Variants in HIF1A observed in about 807,000 individuals in gnomAD.
HIF1A encodes hypoxia inducible factor 1 subunit alpha.
HIF1A carries 24 observed loss-of-function variants against 92.7 expected under a neutral mutation model. The ratio of observed to expected loss-of-function variants is 0.26; its 90% CI spans 0.19 to 0.36. The LOEUF (loss-of-function observed/expected upper bound fraction) is 0.36, where lower values mean the gene tolerates loss of function less well. HIF1A is among the 10% of genes least tolerant of loss of function. The pLI is 1.00. For missense variants in HIF1A, 799 were observed against 998.5 expected (o/e 0.80, Z 2.69); for synonymous variants, 319 against 338.7 (o/e 0.94, Z 0.64).
At chr14:61,736,017 T>C (rs991509476) in intron 8 of HIF1A, among the ~76,000 whole-genome samples, 1 of 151,064 alleles carries the variant, frequency 6.6e-6, no homozygotes, top group African/African-American at 2.4e-5. Context: ...AGATGGAGTC[T>C]CACTGTCACC....
chr14:61,722,399 T>C (rs963897953), intron 4 of HIF1A, among the ~76,000 whole-genome samples: 10 of 152,074 alleles, frequency 6.6e-5, no homozygotes, highest in East Asian at 3.9e-4. Context: ...ACCTTTTTTT[T>C]CCTTTTCTTT....
chr14:61,703,900 C>T (rs2044206213), intron 1 of HIF1A, among the ~76,000 whole-genome samples: 2 of 152,140 alleles, frequency 1.3e-5, no homozygotes, highest in South Asian at 4.1e-4. Context: ...ATTCTGCAAG[C>T]TGTTCTTGTC....
At chr14:61,722,600 A>T (rs1344719978) in intron 4 of HIF1A, among the ~76,000 whole-genome samples, 1 of 152,216 alleles carries the variant, frequency 6.6e-6, no homozygotes, top group Non-Finnish European at 1.5e-5. Flanking sequence ...AGATAATAGG[A>T]CTTTAGACAG....
At chr14:61,722,766 C>A (rs988669322) in intron 4 of HIF1A, among the ~76,000 whole-genome samples, 7 of 152,242 alleles carry the variant, frequency 4.6e-5, no homozygotes, top group Middle Eastern at 3.4e-3. Context: ...TGGATGCCCA[C>A]ATATTAACAA....
intron 1 of HIF1A, among the ~76,000 whole-genome samples, chr14:61,702,285 A>C (rs2140118262): frequency 6.7e-6 from 1 of 149,524 alleles, no homozygotes; most frequent in Non-Finnish European, 1.5e-5. Context: ...AAAAAAAAAA[A>C]AAAAAAATAG....
chr14:61,722,562 G>A (rs897636694), intron 4 of HIF1A, among the ~76,000 whole-genome samples: 5 of 152,118 alleles, frequency 3.3e-5, no homozygotes, highest in Non-Finnish European at 7.3e-5. Flanking sequence ...ACACCATTAA[G>A]GCAAGGAGAA....
chr14:61,737,316 T>C (rs1314564465), intron 9 of HIF1A, among the ~76,000 whole-genome samples: 3 of 152,248 alleles, frequency 2.0e-5, no homozygotes, highest in Non-Finnish European at 1.5e-5. Context: ...TTGGAAATTG[T>C]GCTTCAAAGT....
rs574170527 is a variant in HIF1A at position 61,720,628 on chromosome 14, T to C, written c.226+56T>C. ...CTGAAAATTAGAAGTTAGAAGTAAA[T>C]AGAAATTATTTTTAGAAGGTGGTCG... On this transcript the variant is annotated intron_variant, in intron 2 of 14. Coordinates refer to ENST00000337138, the MANE Select transcript of HIF1A (RefSeq NM_001530.4). The C allele has an allele frequency of 3.1e-5, 35 of 1,120,322 alleles. No homozygotes were observed. In the Admixed American group the frequency reaches 3.2e-4, roughly 10 times the overall value. The allele number at this position is 1,120,322 out of a possible 1,614,324, so 69.4% of individuals were successfully genotyped here. A position where few individuals can be genotyped will look rare whatever the true frequency, so the allele number is the denominator to read the frequency against.
At position 61,734,214 on chromosome 14, in the gene HIF1A, T is replaced by G; in HGVS notation, c.957T>G (p.Thr319=). ...AKRGGYVWVE[T]QATVIYNTKN... ...GAGGTGGATATGTCTGGGTTGAAAC[T>G]CAAGCAACTGTCATATATAACACCA... The change falls in exon 8 of 15, where the codon ACT becomes ACG. Residue 319 remains threonine (T), a synonymous_variant. Transcript: ENST00000337138. 6.2e-7 allele frequency: 1 copy of G among 1,612,924 alleles called. No homozygotes were observed.
chr14:61,695,623 G>A lies in HIF1A; in HGVS notation c.-182G>A. 1.5e-6 allele frequency: 1 copy of A among 646,634 alleles called. No individual in the cohort carries two copies. 40.1% of individuals were successfully genotyped at this position (646,634 alleles called of 1,614,324 possible). Reference sequence around the variant, plus strand: ...GCCACCTGAGGAGAGGCTCGGAGCCGGGCCCGGACCCCGGCGATTGCCGCC... The same window carrying A: ...GCCACCTGAGGAGAGGCTCGGAGCCAGGCCCGGACCCCGGCGATTGCCGCC... On this transcript the variant is annotated 5_prime_UTR_variant, in exon 1 of 15. Transcript: ENST00000337138.
chr14:61,728,494 AAAC>A lies in HIF1A; in HGVS notation c.773+844_773+846del, dbSNP rs781267785. Reference sequence around the variant, plus strand: ...TAACAACTGTACTACTACTGCCCCCAAACAACATCATCATCAAAAACTGCCTTT... The same window carrying A: ...TAACAACTGTACTACTACTGCCCCCAAACATCATCATCAAAAACTGCCTTT... On this transcript the variant is annotated intron_variant, in intron 6 of 14. Coordinates refer to ENST00000337138, the MANE Select transcript of HIF1A (RefSeq NM_001530.4). Among the ~76,000 whole-genome samples, 19 of 152,212 alleles carry A rather than the reference AAAC, an allele frequency of 1.2e-4. 2 individuals carry two copies. Among genetic ancestry groups the A allele is most frequent in the Admixed American group, 9.8e-4 (15 of 15,272 alleles).
intron 1 of HIF1A, among the ~76,000 whole-genome samples, chr14:61,712,644 GTTTA>G (rs527602883): frequency 1.3e-5 from 2 of 149,820 alleles, no homozygotes; most frequent in South Asian, 2.1e-4. Context: ...CAAATATTAT[GTTTA>G]TTTAATAGTA....
At chr14:61,732,358 A>C (rs2044586220) in intron 6 of HIF1A, 60 bp from the exon 7 acceptor site, 1 of 1,114,310 alleles carries the variant, frequency 9.0e-7, no homozygotes, top group Non-Finnish European at 1.3e-6. Flanking sequence ...GGGAGGAGAA[A>C]AATTTTTCTT....
At chr14:61,745,489 C>G (rs1247969395) in intron 13 of HIF1A, 2 of 581,090 alleles carry the variant, frequency 3.4e-6, no homozygotes, top group Non-Finnish European at 6.1e-6. Flanking sequence ...CTGATATTTT[C>G]AAACTAAATT....
At chr14:61,708,185 T>C (rs2044264170) in intron 1 of HIF1A, among the ~76,000 whole-genome samples, 1 of 152,242 alleles carries the variant, frequency 6.6e-6, no homozygotes, top group African/African-American at 2.4e-5. Flanking sequence ...TTGAGTTCAT[T>C]GTAGATTCTG....
chr14:61,738,210 CGCCAAA>C lies in HIF1A; in HGVS notation c.1378_1383del (p.Lys460_Pro461del). On this transcript the variant is annotated inframe_deletion, in exon 10 of 15. Transcript: ENST00000337138. ...ATGTCTCCATTACCCACCGCTGAAA[CGCCAAA>C]GCCACTTCGAAGTAGTGCTGACCCT... 1 of 1,614,058 alleles carries C rather than the reference CGCCAAA, an allele frequency of 6.2e-7. No individual in the cohort carries two copies. The highest frequency in any genetic ancestry group is 8.5e-7 in the Non-Finnish European group (1 of 1,179,998).
intron 1 of HIF1A, among the ~76,000 whole-genome samples, chr14:61,711,155 G>T (rs2044302626): frequency 6.8e-6 from 1 of 146,522 alleles, no homozygotes; most frequent in African/African-American, 2.6e-5. Context: ...GTAAACTCCT[G>T]TTTCTGCCTG....
chr14:61,741,829 T>C (rs2044716002), intron 12 of HIF1A, among the ~76,000 whole-genome samples: 1 of 152,214 alleles, frequency 6.6e-6, no homozygotes, highest in South Asian at 2.1e-4. Flanking sequence ...TTAACTACCC[T>C]CACTACTTAG....
chr14:61,746,357 T>G (rs963342186), intron 14 of HIF1A, among the ~76,000 whole-genome samples: 11 of 151,252 alleles, frequency 7.3e-5, no homozygotes, highest in African/African-American at 2.7e-4. Flanking sequence ...CTGTCAATAT[T>G]GATAGAAGCT....
Sources: allele counts gnomAD v4.1 joint callset (sites outside exome capture counted in the v4.1 genomes callset), GRCh38; gene constraint gnomAD v4.1.1; transcripts MANE v1.5; gene names NCBI Gene and HGNC (gene_info 2026-07-23, HGNC 2026-07-21).